The following JAKMIP1 variants were observed in gnomAD, a reference collection of about 807,000 sequenced individuals.
The protein encoded by JAKMIP1 is janus kinase and microtubule interacting protein 1, also known as janus kinase and microtubule-interacting protein 1.
JAKMIP1 carries 33 observed loss-of-function variants against 113.0 expected under a neutral mutation model. That is an observed-to-expected ratio of 0.29 (90% confidence interval 0.22 to 0.39). The LOEUF (loss-of-function observed/expected upper bound fraction) is 0.39, where lower values mean the gene tolerates loss of function less well. Among genes scored for constraint, JAKMIP1 ranks in the 10% least tolerant of loss-of-function variants. The pLI, the probability that JAKMIP1 is intolerant of heterozygous loss-of-function variation, is 1.00. For missense variants in JAKMIP1, 813 were observed against 1,080.5 expected (o/e 0.75, Z 3.47); for synonymous variants, 480 against 459.9 (o/e 1.04, Z -0.56).
chr4:6,054,806 A>G (rs749907285), intron 12 of JAKMIP1: 14 of 456,598 alleles, frequency 3.1e-5, no homozygotes, highest in South Asian at 2.2e-4. Flanking sequence ...AGAAGTCACT[A>G]AAATAACGCA....
At chr4:6,070,443 C>T (rs1045054383) in intron 8 of JAKMIP1, among the ~76,000 whole-genome samples, 3 of 152,262 alleles carry the variant, frequency 2.0e-5, no homozygotes, top group Non-Finnish European at 2.9e-5. Flanking sequence ...CCACGCCAAC[C>T]GCGGGCTGAA....
chr4:6,032,171 A>T lies in JAKMIP1; in HGVS notation c.2380-2390T>A, dbSNP rs1712772904. ...TGTAATGTCTGTGTGGGACCCCATGACACCGAGGGTGAAATGGGATCTGCA... is the reference window on the plus strand; with the variant it reads ...TGTAATGTCTGTGTGGGACCCCATGTCACCGAGGGTGAAATGGGATCTGCA... On this transcript the variant is annotated intron_variant, in intron 19 of 20. Transcript: ENST00000409021. Among the ~76,000 whole-genome samples, 3 of 152,260 alleles carry T rather than the reference A, an allele frequency of 2.0e-5. No individual in the cohort carries two copies. In the South Asian group the frequency reaches 6.2e-4, roughly 32 times the overall value.
At chr4:6,096,671 G>T (rs1167090698) in intron 3 of JAKMIP1, among the ~76,000 whole-genome samples, 4 of 152,170 alleles carry the variant, frequency 2.6e-5, no homozygotes, top group Admixed American at 2.6e-4. Flanking sequence ...CTTTTACCCT[G>T]TAAAATGGGA....
chr4:6,164,861 G>A lies in JAKMIP1; in HGVS notation c.-148+35392C>T, dbSNP rs370965123. 8.5e-5 allele frequency among the ~76,000 whole-genome samples: 13 copies of A among 152,316 alleles called. No individual in the cohort carries two copies. The East Asian group carries it at 1.4e-3, about 16-fold the overall frequency. On this transcript the variant is annotated intron_variant, in intron 1 of 20. Transcript: ENST00000409021. ...GCAATCTCATGATCAAACTTGAACC[G>A]ATGAGGAGTTGCTTCTTACGGAGTA... is the stretch of plus-strand genomic sequence containing the variant.
intron 17 of JAKMIP1, among the ~76,000 whole-genome samples, chr4:6,041,092 CTCTT>C (rs1162505367): frequency 6.6e-6 from 1 of 152,128 alleles, no homozygotes; most frequent in Non-Finnish European, 1.5e-5. Context: ...CCAGATGTGG[CTCTT>C]CCTTCCTGCC....
rs1297909694 is a variant in JAKMIP1, at chr4:6,031,119, T to G, written c.2380-1338A>C. ...ACACATAAATAGAAGGGGCATCAGATGAATACAAACACCATCAAGAAAACC... is the reference window on the plus strand; with the variant it reads ...ACACATAAATAGAAGGGGCATCAGAGGAATACAAACACCATCAAGAAAACC... On this transcript the variant is annotated intron_variant, in intron 19 of 20. Transcript: ENST00000409021. This position sits in a 1 kb window ranked among gnomAD's most constrained non-coding sequence, Gnocchi z 4.4. Among the ~76,000 whole-genome samples the G allele has an allele frequency of 6.6e-6, 1 of 152,134 alleles. No homozygotes were observed. The highest frequency in any genetic ancestry group is 1.5e-5 in the Non-Finnish European group (1 of 68,018).
Position 6,069,056 on chromosome 4 carries a change from T to C in JAKMIP1, c.1303-4048A>G, listed in dbSNP as rs759483583. Reference sequence around the variant, plus strand: ...ATAAAAAATAGAAACAATATATTAATGTTTAAAGTAAAAACACAGTGGCTA... The same window carrying C: ...ATAAAAAATAGAAACAATATATTAACGTTTAAAGTAAAAACACAGTGGCTA... On this transcript the variant is annotated intron_variant, in intron 8 of 20. Coordinates refer to ENST00000409021, the MANE Select transcript of JAKMIP1 (RefSeq NM_001099433.2). This position sits in a 1 kb window ranked among gnomAD's most constrained non-coding sequence, Gnocchi z 4.5. 6.6e-6 allele frequency among the ~76,000 whole-genome samples: 1 copy of C among 152,204 alleles called. No homozygotes were observed. The highest frequency in any genetic ancestry group is 1.5e-5 in the Non-Finnish European group (1 of 68,036).
chr4:6,077,393 C>T (rs10034530), intron 8 of JAKMIP1, among the ~76,000 whole-genome samples: 5 of 151,620 alleles, frequency 3.3e-5, no homozygotes, highest in South Asian at 2.1e-4. Flanking sequence ...GGGTCTGCTA[C>T]GGGTTTTAGA....
At chr4:6,149,932 TCTC>T (rs1381235758) in intron 1 of JAKMIP1, among the ~76,000 whole-genome samples, 3 of 152,068 alleles carry the variant, frequency 2.0e-5, no homozygotes, top group Admixed American at 2.0e-4. Context: ...CAGCTGGGCT[TCTC>T]CTCCTGCCTC....
chr4:6,101,268 G>GGT lies in JAKMIP1; in HGVS notation c.624+4203_624+4204dup, dbSNP rs377707689. Among the ~76,000 whole-genome samples, 105 of 150,822 alleles carry GGT rather than the reference G, an allele frequency of 7.0e-4. 1 individual carries two copies. The highest frequency in any genetic ancestry group is 3.4e-3 in the Middle Eastern group (1 of 290). The stretch of plus-strand genomic sequence containing the variant: ...TACTCTATATACAGAGAGTGTGTGT[G>GGT]GTGTGTGTGTGTGTGTATTTCCTGT... On this transcript the variant is annotated intron_variant, in intron 3 of 20. Coordinates refer to ENST00000409021, the MANE Select transcript of JAKMIP1 (RefSeq NM_001099433.2).
rs1421579640 is a variant in JAKMIP1 at position 6,162,965 on chromosome 4, C to T, written c.-148+37288G>A. 2.0e-5 allele frequency among the ~76,000 whole-genome samples: 3 copies of T among 152,224 alleles called. No individual in the cohort carries two copies. The highest frequency in any genetic ancestry group is 6.5e-5 in the Admixed American group (1 of 15,282). ...CCATGTGAGGCCACAGCATCAGACA[C>T]GGGAAGATGCTGGGAACATCTGGTT... On this transcript the variant is annotated intron_variant, in intron 1 of 20. Coordinates refer to ENST00000409021, the MANE Select transcript of JAKMIP1 (RefSeq NM_001099433.2). The surrounding 1 kb of genome is among the most constrained non-coding windows in gnomAD (Gnocchi z 5.6).
chr4:6,113,481 G>A (rs1416434766), intron 1 of JAKMIP1, among the ~76,000 whole-genome samples: 1 of 152,198 alleles, frequency 6.6e-6, no homozygotes, highest in African/African-American at 2.4e-5. Context: ...AGGGCGTGAG[G>A]ACCACACTTA....
chr4:6,047,435 C>A (rs1715136294), intron 16 of JAKMIP1, among the ~76,000 whole-genome samples: 1 of 152,226 alleles, frequency 6.6e-6, no homozygotes, highest in South Asian at 2.1e-4. Context: ...GCTGAATATG[C>A]CCCATGTGCC....
rs1170753342 is a variant in JAKMIP1 at position 6,042,680 on chromosome 4, C to T, written c.2029-453G>A. On this transcript the variant is annotated intron_variant, in intron 16 of 20. Transcript: ENST00000409021. The surrounding 1 kb of genome is among the most constrained non-coding windows in gnomAD (Gnocchi z 5.2). ...ATGGAGGCTGAGTTAAGTAACTTGT[C>T]CAAGGTCACACGGGTGCAGAATGGA... Among the ~76,000 whole-genome samples the T allele has an allele frequency of 1.3e-5, 2 of 152,024 alleles. No individual in the cohort carries two copies. The highest frequency in any genetic ancestry group is 4.8e-5 in the African/African-American group (2 of 41,398).
chr4:6,081,913 G>C lies in JAKMIP1; in HGVS notation c.955-158C>G, dbSNP rs1720615778. ...TTGCTAGTTGCATGACAATGGGCAA[G>C]TTCTCAGCCTCAGTTTCCTCATCTA... On this transcript the variant is annotated intron_variant, in intron 5 of 20. Transcript: ENST00000409021. The surrounding 1 kb of genome is among the most constrained non-coding windows in gnomAD (Gnocchi z 4.6). 6.6e-6 allele frequency among the ~76,000 whole-genome samples: 1 copy of C among 152,216 alleles called. No individual in the cohort carries two copies. Among genetic ancestry groups the C allele is most frequent in the Non-Finnish European group, 1.5e-5 (1 of 68,038 alleles).
At chr4:6,105,433 A>C (rs1713742030) in intron 3 of JAKMIP1, 40 bp downstream of exon 3, 1 of 1,533,048 alleles carries the variant, frequency 6.5e-7, no homozygotes, top group Non-Finnish European at 8.8e-7. Flanking sequence ...CAGGGAGGGA[A>C]GGCCGCGTGC....
In JAKMIP1 at chr4:6,192,977, G is replaced by A. The variant is rs1324456344; in HGVS notation, c.-148+7276C>T. 6.6e-6 allele frequency among the ~76,000 whole-genome samples: 1 copy of A among 152,312 alleles called. No individual in the cohort carries two copies. The highest frequency in any genetic ancestry group is 1.9e-4 in the East Asian group (1 of 5,174). Reference sequence around the variant, plus strand: ...TGTGTCTGTGAGGGTGTTCCCAAAAGAGATTAACAATTGAGTCAGTGGACT... The same window carrying A: ...TGTGTCTGTGAGGGTGTTCCCAAAAAAGATTAACAATTGAGTCAGTGGACT... On this transcript the variant is annotated intron_variant, in intron 1 of 20. Transcript: ENST00000409021. The surrounding 1 kb of genome is among the most constrained non-coding windows in gnomAD (Gnocchi z 5.0).
Position 6,061,649 on chromosome 4 carries a change from G to A in JAKMIP1, c.1560+663C>T, listed in dbSNP as rs1261665167. On this transcript the variant is annotated intron_variant, in intron 10 of 20. Transcript: ENST00000409021. The surrounding 1 kb of genome is among the most constrained non-coding windows in gnomAD (Gnocchi z 5.3). ...AGCCTGTTTCCTCATTCGGAAGATC[G>A]GGTTAATTCCTCCTGCTTCAGGGGG... is the stretch of plus-strand genomic sequence containing the variant. 3.3e-5 allele frequency among the ~76,000 whole-genome samples: 5 copies of A among 150,988 alleles called. No homozygotes were observed. The highest frequency in any genetic ancestry group is 6.6e-5 in the Admixed American group (1 of 15,180).
chr4:6,037,220 C>A (rs1713606768), intron 18 of JAKMIP1, among the ~76,000 whole-genome samples: 1 of 146,262 alleles, frequency 6.8e-6, no homozygotes, highest in Non-Finnish European at 1.5e-5. Context: ...AACCCAGTAG[C>A]CCTCCATCAC....
Sources: gnomAD v4.1 joint callset for allele counts (sites outside exome capture counted in the v4.1 genomes callset) on GRCh38, gnomAD v4.1.1 for gene constraint, Gnocchi (gnomAD v3.1) non-coding constraint, MANE v1.5 for transcripts, NCBI Gene and HGNC (gene_info 2026-07-23, HGNC 2026-07-21) for gene names.